CACNA2D3: variants seen among roughly 807,000 people sequenced by gnomAD.
CACNA2D3 encodes calcium voltage-gated channel auxiliary subunit alpha2delta 3.
CACNA2D3 carries 60 observed loss-of-function variants against 160.6 expected under a neutral mutation model. The observed-to-expected ratio is 0.37, with a 90% CI of 0.30 to 0.46. CACNA2D3 has a LOEUF of 0.46. Among genes scored for constraint, CACNA2D3 ranks in the 20% least tolerant of loss-of-function variants. CACNA2D3 has a pLI of 1.00. For missense variants in CACNA2D3, 1,205 were observed against 1,365.0 expected, an observed-to-expected ratio of 0.88 and a Z score of 1.85; for synonymous variants, 558 against 492.9, an observed-to-expected ratio of 1.13 and a Z score of -1.75.
intron 5 of CACNA2D3, among the ~76,000 whole-genome samples, chr3:54,555,026 C>T (rs1342246670): frequency 6.6e-6 from 1 of 151,758 alleles, no homozygotes; most frequent in East Asian, 1.9e-4. Flanking sequence ...AGGAGCACAC[C>T]ACCCCGCCTA....
intron 13 of CACNA2D3, among the ~76,000 whole-genome samples, chr3:54,812,824 C>T (rs1487221134): frequency 2.0e-5 from 3 of 152,192 alleles, no homozygotes; most frequent in African/African-American, 7.2e-5. Context: ...GATACTTAAC[C>T]ATTCTAAATA....
intron 5 of CACNA2D3, among the ~76,000 whole-genome samples, chr3:54,527,506 T>C (rs1701743915): frequency 6.6e-6 from 1 of 152,142 alleles, no homozygotes; most frequent in Non-Finnish European, 1.5e-5. Flanking sequence ...TCTTCTCAGC[T>C]TGCCTCTCCC....
At chr3:54,637,628 G>A (rs1379635562) in intron 10 of CACNA2D3, 1 of 151,990 alleles carries the variant, frequency 6.6e-6, no homozygotes, top group African/African-American at 2.4e-5. Context: ...AGAAGGTAAT[G>A]TGGAGTGGGT....
intron 30 of CACNA2D3, among the ~76,000 whole-genome samples, chr3:54,985,919 C>T (rs972751204): frequency 1.3e-5 from 2 of 152,158 alleles, no homozygotes; most frequent in Non-Finnish European, 1.5e-5. Context: ...TGATGCTTTA[C>T]ATCACTAGAC....
intron 35 of CACNA2D3, among the ~76,000 whole-genome samples, chr3:55,028,748 G>A (rs1029263478): frequency 9.9e-5 from 15 of 151,880 alleles, no homozygotes; most frequent in African/African-American, 3.6e-4. Context: ...GGTAAATTAG[G>A]TTTTTGTTTT....
intron 11 of CACNA2D3, among the ~76,000 whole-genome samples, chr3:54,658,033 A>C (rs13096365): frequency 0.16 from 24,058 of 152,190 alleles, 2,066 homozygotes; most frequent in South Asian, 0.27. Flanking sequence ...AAAAAGAAAA[A>C]AGAAATTATA....
chr3:54,858,216 A>G (rs1699213514), intron 17 of CACNA2D3, among the ~76,000 whole-genome samples: 1 of 152,104 alleles, frequency 6.6e-6, no homozygotes, highest in Non-Finnish European at 1.5e-5. Flanking sequence ...TGTGGGGGAA[A>G]TGAGCCTCAG....
chr3:54,970,115 T>G (rs1226182766), intron 29 of CACNA2D3, among the ~76,000 whole-genome samples: 1 of 152,150 alleles, frequency 6.6e-6, no homozygotes, highest in Non-Finnish European at 1.5e-5. Flanking sequence ...TAATACAAAC[T>G]CCTAACTCCT....
intron 2 of CACNA2D3, 40 bp from the exon 3 acceptor site, chr3:54,320,402 C>A: frequency 1.0e-6 from 1 of 992,110 alleles, no homozygotes; most frequent in Non-Finnish European, 1.5e-6. Context: ...TGGTGTTTTA[C>A]GGTGTCATGT....
chr3:54,359,828 T>G (rs1698711972), intron 3 of CACNA2D3, among the ~76,000 whole-genome samples: 1 of 152,222 alleles, frequency 6.6e-6, no homozygotes, highest in Admixed American at 6.5e-5. Flanking sequence ...TTTTCTGGAC[T>G]AGTGAATTTC....
intron 2 of CACNA2D3, among the ~76,000 whole-genome samples, chr3:54,240,234 G>T (rs755903430): frequency 3.3e-5 from 5 of 152,096 alleles, no homozygotes. Context: ...TGTTGTTGTT[G>T]TTGAAGTGAA....
intron 2 of CACNA2D3, among the ~76,000 whole-genome samples, chr3:54,246,052 AT>A (rs1361101838): frequency 1.3e-5 from 2 of 152,182 alleles, no homozygotes; most frequent in Non-Finnish European, 2.9e-5. Flanking sequence ...TTTAGTCTTA[AT>A]TTTACAAACA....
At chr3:54,879,992 T>C (rs1458842339) in intron 20 of CACNA2D3, among the ~76,000 whole-genome samples, 1 of 152,240 alleles carries the variant, frequency 6.6e-6, no homozygotes, top group Non-Finnish European at 1.5e-5. Context: ...GTAATTCATT[T>C]TGTAAAAAAT....
intron 27 of CACNA2D3, among the ~76,000 whole-genome samples, chr3:54,939,358 C>T (rs890187549): frequency 6.6e-6 from 1 of 152,220 alleles, no homozygotes; most frequent in Non-Finnish European, 1.5e-5. Context: ...CTTGAACCCT[C>T]ATCTGCCGGA....
intron 14 of CACNA2D3, among the ~76,000 whole-genome samples, chr3:54,832,281 G>A (rs1018591769): frequency 6.6e-6 from 1 of 152,176 alleles, no homozygotes; most frequent in Non-Finnish European, 1.5e-5. Context: ...GAGTGTGTGT[G>A]TGCACACTTC....
intron 27 of CACNA2D3, among the ~76,000 whole-genome samples, chr3:54,912,652 TA>T (rs1009435379): frequency 5.9e-5 from 9 of 152,052 alleles, no homozygotes; most frequent in Admixed American, 4.6e-4. Context: ...ACATGTAAAA[TA>T]AAAACTCTTC....
chr3:54,650,815 G>A (rs745344293), intron 11 of CACNA2D3, among the ~76,000 whole-genome samples: 1 of 152,180 alleles, frequency 6.6e-6, no homozygotes, highest in East Asian at 1.9e-4. Flanking sequence ...GTGAGAGAAT[G>A]TTTTAAACCA....
rs562241852 is a variant in CACNA2D3 at position 54,293,583 on chromosome 3, A to G, written c.205-26859A>G. Among the ~76,000 whole-genome samples the G allele has an allele frequency of 4.6e-5, 7 of 152,004 alleles. No individual in the cohort carries two copies. In the South Asian group the frequency reaches 1.5e-3, roughly 32 times the overall value. ...TTCTATTATATATATATATATCAAT[A>G]TATCACATCCATGCAGTGGAATACT... is the stretch of plus-strand genomic sequence containing the variant. On this transcript the variant is annotated intron_variant, in intron 2 of 37. Transcript: ENST00000474759.
intron 12 of CACNA2D3, among the ~76,000 whole-genome samples, chr3:54,759,581 T>A (rs1417446594): frequency 6.6e-6 from 1 of 152,248 alleles, no homozygotes; most frequent in East Asian, 1.9e-4. Context: ...ATATTATTTT[T>A]AAAATTTTAT....
Sources: gnomAD v4.1 joint callset for allele counts (sites outside exome capture counted in the v4.1 genomes callset) on GRCh38, gnomAD v4.1.1 for gene constraint, MANE v1.5 for transcripts, NCBI Gene and HGNC (gene_info 2026-07-23, HGNC 2026-07-21) for gene names.